Variants in LAMB4 observed in about 807,000 individuals in gnomAD.
LAMB4 encodes laminin subunit beta-4.
A neutral mutation model predicts 199.2 loss-of-function variants in LAMB4; 196 were observed. That is an observed-to-expected ratio of 0.98 (90% CI 0.88 to 1.11). The LOEUF is 1.11. Ranked by LOEUF, LAMB4 falls within the 50% of genes least tolerant of loss-of-function variation. LAMB4 has a pLI of 0.00. For missense variants in LAMB4, 2,080 were observed against 2,171.2 expected, an observed-to-expected ratio of 0.96 and a Z score of 0.83; for synonymous variants, 744 against 770.6, an observed-to-expected ratio of 0.97 and a Z score of 0.57.
intron 33 of LAMB4, among the ~76,000 whole-genome samples, chr7:108,025,794 A>G (rs895582144): frequency 2.6e-5 from 4 of 152,174 alleles, no homozygotes; most frequent in African/African-American, 9.7e-5. Flanking sequence ...TATTTGGACT[A>G]AAGGAATAAT....
chr7:108,114,242 T>TGG (rs983766936), intron 3 of LAMB4, among the ~76,000 whole-genome samples: 10 of 151,962 alleles, frequency 6.6e-5, no homozygotes, highest in African/African-American at 2.4e-4. Context: ...GGCAACATAG[T>TGG]GGGACTGGTC....
intron 30 of LAMB4, among the ~76,000 whole-genome samples, chr7:108,035,397 T>C (rs2035185962): frequency 1.3e-5 from 2 of 151,276 alleles, no homozygotes; most frequent in Non-Finnish European, 3.0e-5. Flanking sequence ...AAAAAATTAG[T>C]TGGGTGTAGT....
At chr7:108,043,714 A>T in intron 29 of LAMB4, 38 bp downstream of exon 29, 1 of 1,428,046 alleles carries the variant, frequency 7.0e-7, no homozygotes, top group Non-Finnish European at 9.5e-7. Flanking sequence ...AAAAGGGAAA[A>T]AAACAAAAAC....
At chr7:108,077,325 T>C (rs966735031) in intron 16 of LAMB4, among the ~76,000 whole-genome samples, 2 of 152,084 alleles carry the variant, frequency 1.3e-5, no homozygotes, top group Non-Finnish European at 2.9e-5. Context: ...ATGACAGCTC[T>C]GGGGAAAGGA....
chr7:108,051,981 T>G, intron 26 of LAMB4, 116 bp downstream of exon 26: 1 of 669,704 alleles, frequency 1.5e-6, no homozygotes, highest in Non-Finnish European at 2.4e-6. Flanking sequence ...TGTGTTTGCA[T>G]GTTCTAAAGT....
Position 108,029,142 on chromosome 7 carries a change from T to C in LAMB4, c.5047A>G (p.Thr1683Ala), listed in dbSNP as rs766845260. The change falls in exon 33 of 34, where the codon ACA becomes GCA. Residue 1683 changes from threonine to alanine, a missense_variant. Transcript: ENST00000388781. ...CCTAATGTCTCCTTTGTTAGTCCTG[T>C]AGTGCTTGTCTTACGTTGGAGAATA... ...YAILQRKTSTTGLTKETLGKV... is the reference protein window; with the variant it reads ...YAILQRKTSTAGLTKETLGKV... 25 of 1,613,824 alleles carry C rather than the reference T, an allele frequency of 1.5e-5. No individual in the cohort carries two copies. The highest frequency in any genetic ancestry group is 2.0e-5 in the Non-Finnish European group (24 of 1,179,930).
At chr7:108,012,017 A>T in the LAMB4 span, among the ~76,000 whole-genome samples, 1 of 152,000 alleles carries the variant, frequency 6.6e-6, no homozygotes, top group Non-Finnish European at 1.5e-5. Context: ...AGAAGGAAGC[A>T]TAGCAAATGT....
chr7:108,083,165 C>A (rs184891746), intron 14 of LAMB4, among the ~76,000 whole-genome samples: 46 of 152,300 alleles, frequency 3.0e-4, no homozygotes, highest in Admixed American at 7.8e-4. Flanking sequence ...CCAACAAGGG[C>A]AAGTGGGTTC....
intron 14 of LAMB4, among the ~76,000 whole-genome samples, chr7:108,083,721 G>A (rs1287027658): frequency 6.6e-6 from 1 of 152,224 alleles, no homozygotes; most frequent in Non-Finnish European, 1.5e-5. Flanking sequence ...TTTATTTGAT[G>A]CTGTGTCCCT....
At chr7:108,018,882 T>C (rs2034636114), downstream of LAMB4, among the ~76,000 whole-genome samples, 1 of 152,146 alleles carries the variant, frequency 6.6e-6, no homozygotes, top group African/African-American at 2.4e-5. Flanking sequence ...TGTAAATAGC[T>C]CCCTTATGGA....
At chr7:108,128,893 C>T (rs1208601353) in intron 1 of LAMB4, among the ~76,000 whole-genome samples, 2 of 151,972 alleles carry the variant, frequency 1.3e-5, no homozygotes, top group African/African-American at 2.4e-5. Context: ...ATAAACAAAA[C>T]ATTTTCCCTC....
At chr7:108,073,846 C>A (rs998159957) in intron 17 of LAMB4, among the ~76,000 whole-genome samples, 1 of 152,184 alleles carries the variant, frequency 6.6e-6, no homozygotes, top group African/African-American at 2.4e-5. Context: ...GTGTACTCAT[C>A]CTGTAGTGGG....
intron 29 of LAMB4, among the ~76,000 whole-genome samples, chr7:108,040,335 C>T (rs1400452555): frequency 6.6e-6 from 1 of 152,076 alleles, no homozygotes; most frequent in Admixed American, 6.6e-5. Flanking sequence ...GCTATACTGC[C>T]CAAAACAATG....
At chr7:108,080,906 G>A (rs1227712826) in intron 14 of LAMB4, among the ~76,000 whole-genome samples, 3 of 151,816 alleles carry the variant, frequency 2.0e-5, no homozygotes, top group Non-Finnish European at 2.9e-5. Context: ...GGTGGATCAC[G>A]AGGTCAGGAG....
chr7:108,027,816 TC>T (rs1404554428), intron 33 of LAMB4, among the ~76,000 whole-genome samples: 1 of 152,250 alleles, frequency 6.6e-6, no homozygotes, highest in Non-Finnish European at 1.5e-5. Context: ...AGAGTCTCTC[TC>T]TGTTGCCCAG....
At chr7:108,057,600 C>G (rs1440690001) in intron 24 of LAMB4, among the ~76,000 whole-genome samples, 1 of 152,080 alleles carries the variant, frequency 6.6e-6, no homozygotes, top group African/African-American at 2.4e-5. Flanking sequence ...AATTTTAAGA[C>G]AGGCTACGAA....
At chr7:108,103,317 T>A in intron 9 of LAMB4, 85 bp from the exon 10 acceptor site, 1 of 1,110,400 alleles carries the variant, frequency 9.0e-7, no homozygotes, top group Admixed American at 2.7e-5. Context: ...GGGCACCCGC[T>A]AGTCCTCCTT....
In LAMB4 at chr7:108,092,485, A is replaced by G. The variant is rs2037446394; in HGVS notation, c.1471-69T>C. Reference sequence around the variant, plus strand: ...TGTTGCTCTGAAGTGCAACACTGAAATCACTACAATGCAATTGCCACACGT... The same window carrying G: ...TGTTGCTCTGAAGTGCAACACTGAAGTCACTACAATGCAATTGCCACACGT... On this transcript the variant is annotated intron_variant, in intron 12 of 33. Transcript: ENST00000388781. The G allele has an allele frequency of 5.2e-6, 6 of 1,155,566 alleles. 1 individual carries two copies. The South Asian group carries it at 7.4e-5, about 14-fold the overall frequency. The allele number at this position is 1,155,566 out of a possible 1,614,324, so 71.6% of individuals were successfully genotyped here. A position where few individuals can be genotyped will look rare whatever the true frequency, so the allele number is the denominator to read the frequency against.
the LAMB4 span, among the ~76,000 whole-genome samples, chr7:108,012,060 C>T: frequency 6.7e-6 from 1 of 149,012 alleles, no homozygotes; most frequent in Non-Finnish European, 1.5e-5. Flanking sequence ...TTTCTATAAA[C>T]AAAATATAAA....
Sources: allele counts gnomAD v4.1 joint callset (sites outside exome capture counted in the v4.1 genomes callset), GRCh38; gene constraint gnomAD v4.1.1; transcripts MANE v1.5; gene names NCBI Gene and HGNC (gene_info 2026-07-23, HGNC 2026-07-21).